TAF1B: variants seen among roughly 807,000 people sequenced by gnomAD.
The protein encoded by TAF1B is TATA box-binding protein-associated factor RNA polymerase I subunit B.
Under a neutral mutation model 83.9 loss-of-function variants are expected in TAF1B, and 61 were observed. The ratio of observed to expected loss-of-function variants is 0.73; its 90% CI spans 0.59 to 0.90. The LOEUF (loss-of-function observed/expected upper bound fraction) is 0.90. Among genes scored for constraint, TAF1B ranks in the 40% least tolerant of loss-of-function variants. The pLI, the probability that TAF1B is intolerant of heterozygous loss-of-function variation, is 0.00. For synonymous variants in TAF1B, 221 were observed against 224.6 expected (o/e 0.98, Z 0.14); for missense variants, 625 against 677.0 (o/e 0.92, Z 0.85).
chr2:9,868,259 T>C lies in TAF1B; in HGVS notation c.400-17T>C. On this transcript the variant is annotated splice_polypyrimidine_tract_variant and intron_variant, in intron 5 of 14. Transcript: ENST00000263663. ...AACTGTTACACAATAATTTTATTTA[T>C]ATTGTTTTGCAAACAGGTATTAGAA... 6.2e-7 allele frequency: 1 copy of C among 1,612,882 alleles called. No homozygotes were observed. Among genetic ancestry groups the C allele is most frequent in the South Asian group, 1.1e-5 (1 of 90,874 alleles).
At chr2:9,888,790 G>GTTTTTTTTTTTTTT (rs56125595) in intron 8 of TAF1B, among the ~76,000 whole-genome samples, 1 of 81,662 alleles carries the variant, frequency 1.2e-5, no homozygotes, top group African/African-American at 7.7e-5. Context: ...CTTCTGCTTG[G>GTTTTTTTTTTTTTT]TTTTTTTTTT....
intron 2 of TAF1B, among the ~76,000 whole-genome samples, chr2:9,848,346 A>G (rs913696556): frequency 3.3e-5 from 5 of 152,168 alleles, no homozygotes; most frequent in Non-Finnish European, 7.3e-5. Flanking sequence ...TTGGTTAAAA[A>G]TCCTCACCTT....
chr2:9,919,032 C>G lies in TAF1B; in HGVS notation c.1272-9C>G, dbSNP rs1390709976. 3 of 1,612,656 alleles carry G rather than the reference C, an allele frequency of 1.9e-6. No individual in the cohort carries two copies. Among genetic ancestry groups the G allele is most frequent in the African/African-American group, 2.7e-5 (2 of 74,846 alleles). On this transcript the variant is annotated splice_polypyrimidine_tract_variant and intron_variant, in intron 12 of 14. Transcript: ENST00000263663. ...CGTCCTGCTCCAGCTGTTTCTTTACCTTGTACAGGTACCTGTGGAAAAGTG... is the reference window on the plus strand; with the variant it reads ...CGTCCTGCTCCAGCTGTTTCTTTACGTTGTACAGGTACCTGTGGAAAAGTG...
chr2:9,883,667 C>G (rs1480968252), intron 8 of TAF1B, among the ~76,000 whole-genome samples: 1 of 152,152 alleles, frequency 6.6e-6, no homozygotes, highest in Non-Finnish European at 1.5e-5. Context: ...GCTTGCAAAT[C>G]CATTGACAAA....
intron 9 of TAF1B, among the ~76,000 whole-genome samples, chr2:9,907,240 TC>T (rs1229645763): frequency 1.3e-5 from 2 of 151,604 alleles, no homozygotes; most frequent in Admixed American, 1.3e-4. Context: ...GTTACGATAG[TC>T]CCTATACCTT....
chr2:9,888,806 T>TTTG (rs1664769522), intron 8 of TAF1B, among the ~76,000 whole-genome samples: 2 of 144,808 alleles, frequency 1.4e-5, no homozygotes, highest in Non-Finnish European at 3.0e-5. Flanking sequence ...TTTTTTTTTT[T>TTTG]TTTTTTTTTT....
chr2:9,913,140 T>C lies in TAF1B; in HGVS notation c.1181-19T>C, dbSNP rs1409453182. On this transcript the variant is annotated intron_variant, in intron 11 of 14. Coordinates refer to ENST00000263663, the MANE Select transcript of TAF1B (RefSeq NM_005680.3). ...GTGTGGTTTATTTGGTTAATAATCT[T>C]GGATTTTATTTCTTTCAGATAAGCC... 1 of 1,576,406 alleles carries C rather than the reference T, an allele frequency of 6.3e-7. No homozygotes were observed. Among genetic ancestry groups the C allele is most frequent in the Non-Finnish European group, 8.6e-7 (1 of 1,158,856 alleles).
At chr2:9,904,596 G>C (rs974669271) in intron 8 of TAF1B, among the ~76,000 whole-genome samples, 1 of 151,984 alleles carries the variant, frequency 6.6e-6, no homozygotes, top group African/African-American at 2.4e-5. Context: ...TATTCCTTTG[G>C]GTATATATCC....
Position 9,876,026 on chromosome 2 carries a change from A to G in TAF1B, c.707+8A>G. ...ACTTTCAGATCTTTTGAGGTTAGCT[A>G]GACCTCTTGTATGATAATATTTTTG... On this transcript the variant is annotated splice_region_variant and intron_variant, in intron 7 of 14. Coordinates refer to ENST00000263663, the MANE Select transcript of TAF1B (RefSeq NM_005680.3). 4 of 1,597,512 alleles carry G rather than the reference A, an allele frequency of 2.5e-6. No individual in the cohort carries two copies. The highest frequency in any genetic ancestry group is 3.4e-6 in the Non-Finnish European group (4 of 1,167,482).
chr2:9,881,040 A>G (rs1416593509), intron 7 of TAF1B, among the ~76,000 whole-genome samples: 2 of 152,128 alleles, frequency 1.3e-5, no homozygotes, highest in African/African-American at 4.8e-5. Context: ...TTTTAATTGA[A>G]ATTAAATTTG....
intron 14 of TAF1B, among the ~76,000 whole-genome samples, chr2:9,928,798 T>G (rs1292785957): frequency 6.6e-6 from 1 of 152,230 alleles, no homozygotes; most frequent in Non-Finnish European, 1.5e-5. Context: ...AATCATGTCA[T>G]GTACAAACAG....
At chr2:9,887,029 C>A (rs1009734128) in intron 8 of TAF1B, among the ~76,000 whole-genome samples, 13 of 151,928 alleles carry the variant, frequency 8.6e-5, no homozygotes. Context: ...TGTGCCACTG[C>A]ACTCCAGCCA....
chr2:9,929,375 G>C (rs934984989), intron 14 of TAF1B, among the ~76,000 whole-genome samples: 5 of 152,104 alleles, frequency 3.3e-5, no homozygotes. Flanking sequence ...AGCCAAGACG[G>C]TCTCAATCTC....
At chr2:9,875,270 C>T (rs1014580825) in intron 6 of TAF1B, among the ~76,000 whole-genome samples, 2 of 152,080 alleles carry the variant, frequency 1.3e-5, no homozygotes, top group South Asian at 2.1e-4. Context: ...GGCTCAAATC[C>T]GTCTTTAGAA....
At chr2:9,913,534 T>C in intron 12 of TAF1B, 1 of 247,958 alleles carries the variant, frequency 4.0e-6, no homozygotes, top group Non-Finnish European at 7.6e-6. Context: ...CTTTTTATAA[T>C]TTGCATGAGA....
At chr2:9,857,409 G>A (rs544475017) in intron 5 of TAF1B, among the ~76,000 whole-genome samples, 1 of 152,308 alleles carries the variant, frequency 6.6e-6, no homozygotes, top group South Asian at 2.1e-4. Flanking sequence ...TTGGATGTGA[G>A]AGAAAGAGAG....
At chr2:9,879,402 C>T (rs1664424155) in intron 7 of TAF1B, among the ~76,000 whole-genome samples, 1 of 152,156 alleles carries the variant, frequency 6.6e-6, no homozygotes, top group Admixed American at 6.5e-5. Context: ...AAGAGAGGAC[C>T]CGCATCTCAG....
intron 8 of TAF1B, among the ~76,000 whole-genome samples, chr2:9,894,920 A>G (rs1418856513): frequency 2.0e-5 from 3 of 152,226 alleles, no homozygotes; most frequent in African/African-American, 7.2e-5. Context: ...TGGCTATGCA[A>G]CAATCAGCAG....
chr2:9,869,211 T>A (rs1664089337), intron 6 of TAF1B, among the ~76,000 whole-genome samples: 1 of 151,904 alleles, frequency 6.6e-6, no homozygotes, highest in African/African-American at 2.4e-5. Context: ...TTTGTTTGCT[T>A]ATTTTTTTTT....
Sources: gnomAD v4.1 joint callset for allele counts (sites outside exome capture counted in the v4.1 genomes callset) on GRCh38, gnomAD v4.1.1 for gene constraint, MANE v1.5 for transcripts, NCBI Gene and HGNC (gene_info 2026-07-23, HGNC 2026-07-21) for gene names.